The following BTBD8 variants were observed in gnomAD, a reference collection of about 807,000 sequenced individuals.
The protein encoded by BTBD8 is BTB domain containing 8, also known as BTB/POZ domain-containing protein 8.
BTBD8 carries 110 observed loss-of-function variants against 162.9 expected under a neutral mutation model. That is an observed-to-expected ratio of 0.68 (90% CI 0.58 to 0.79). The LOEUF (loss-of-function observed/expected upper bound fraction) is 0.79. Ranked by LOEUF, BTBD8 falls within the 30% of genes least tolerant of loss-of-function variation. The pLI, the probability that BTBD8 is intolerant of heterozygous loss-of-function variation, is 0.00. For missense variants in BTBD8, 1,905 were observed against 2,085.4 expected (o/e 0.91, Z 1.68); for synonymous variants, 667 against 716.1 (o/e 0.93, Z 1.10).
rs1651010966 is a variant in BTBD8, at chr1:92,184,167, G to A, written c.5216G>A (p.Ser1739Asn). The A allele has an allele frequency of 1.3e-6, 2 of 1,551,498 alleles. No homozygotes were observed. The highest frequency in any genetic ancestry group is 1.4e-5 in the African/African-American group (1 of 73,056). ...CAGACACTACTTTTAGCACGAGATA[G>A]CTCAAAACCTCAGGGTATAACACAT... ...INQTLLLARD[S>N]SKPQGITHID... The change falls in exon 18 of 18, where the codon AGC (serine) becomes AAC (asparagine). Residue 1739 changes from serine (S) to asparagine (N), a missense_variant. This residue lies in a region of BTBD8 where 517 missense variants were observed against 606.6 expected (regional missense o/e 0.85). Coordinates refer to ENST00000636805, the MANE Select transcript of BTBD8 (RefSeq NM_001376131.1).
chr1:92,082,696 G>A (rs1648051686), intron 1 of BTBD8, among the ~76,000 whole-genome samples: 1 of 152,196 alleles, frequency 6.6e-6, no homozygotes, highest in African/African-American at 2.4e-5. Flanking sequence ...TACCTGACGT[G>A]ACAAGATATG....
intron 2 of BTBD8, among the ~76,000 whole-genome samples, chr1:92,095,793 A>G (rs1011932683): frequency 2.0e-5 from 3 of 152,070 alleles, no homozygotes; most frequent in Non-Finnish European, 2.9e-5. Context: ...CTCTACCTCA[A>G]CTACTCACTG....
intron 2 of BTBD8, among the ~76,000 whole-genome samples, chr1:92,093,606 A>G (rs1217146529): frequency 6.6e-6 from 1 of 152,174 alleles, no homozygotes; most frequent in African/African-American, 2.4e-5. Context: ...ACTTAGACTA[A>G]TCACTTACCA....
At chr1:92,167,626 G>A (rs1302884632) in intron 10 of BTBD8, among the ~76,000 whole-genome samples, 1 of 152,162 alleles carries the variant, frequency 6.6e-6, no homozygotes, top group South Asian at 2.1e-4. Context: ...AAACCTGCAC[G>A]TTGTGCATAT....
intron 2 of BTBD8, among the ~76,000 whole-genome samples, chr1:92,096,553 T>TC (rs1223907557): frequency 7.1e-6 from 1 of 140,296 alleles, no homozygotes; most frequent in East Asian, 2.0e-4. Flanking sequence ...TATATTTCCT[T>TC]TTTTTTTTTT....
Position 92,080,503 on chromosome 1 carries a change from C to G in BTBD8, c.-69C>G. 6.3e-7 allele frequency: 1 copy of G among 1,581,122 alleles called. No individual in the cohort carries two copies. ...CCGAGCGTTCGGTCGGAAACGCCCC[C>G]TTCTTCCTCCTGGGCGGGGCAAGTG... On this transcript the variant is annotated 5_prime_UTR_variant, in exon 1 of 18. Coordinates refer to ENST00000636805, the MANE Select transcript of BTBD8 (RefSeq NM_001376131.1).
rs796699216 is a variant in BTBD8 at position 92,110,993 on chromosome 1, CT to C, written c.662+3005del. Among the ~76,000 whole-genome samples, 393 of 142,982 alleles carry C rather than the reference CT, an allele frequency of 2.7e-3. 3 individuals carry two copies. Among genetic ancestry groups the C allele is most frequent in the African/African-American group, 6.7e-3 (262 of 39,228 alleles). The allele number at this position is 142,982 out of a possible 152,430, so 93.8% of individuals were successfully genotyped here. ...CGTTGAAAAAGCAGAGCAGTCATTC[CT>C]TTTTTTTTTTTTCCTAAGACAAAGT... On this transcript the variant is annotated intron_variant, in intron 4 of 17. Coordinates refer to ENST00000636805, the MANE Select transcript of BTBD8 (RefSeq NM_001376131.1).
intron 13 of BTBD8, among the ~76,000 whole-genome samples, chr1:92,172,646 AGTTTGGAATGCAATGAACGT>A (rs1650583419): frequency 6.6e-6 from 1 of 152,232 alleles, no homozygotes; most frequent in African/African-American, 2.4e-5. Context: ...TGAGAGTTCC[AGTTTGGAATGCAATGAACGT>A]ATTGCCCTAG....
chr1:92,089,964 C>T (rs1304146946), intron 2 of BTBD8, among the ~76,000 whole-genome samples: 1 of 152,198 alleles, frequency 6.6e-6, no homozygotes, highest in Non-Finnish European at 1.5e-5. Context: ...AATTAATCTT[C>T]ATTCTGTACT....
intron 13 of BTBD8, among the ~76,000 whole-genome samples, chr1:92,173,320 T>A (rs1248039951): frequency 6.6e-6 from 1 of 152,192 alleles, no homozygotes; most frequent in East Asian, 1.9e-4. Context: ...TCCAAAATTT[T>A]CCCCAATGTT....
chr1:92,129,659 C>G, intron 4 of BTBD8, 28 bp from the exon 5 acceptor site: 1 of 1,517,676 alleles, frequency 6.6e-7, no homozygotes, highest in Non-Finnish European at 9.2e-7. Flanking sequence ...AAATGTTTAC[C>G]TGTGTTTCTC....
chr1:92,178,238 T>A, intron 15 of BTBD8, 74 bp from the exon 16 acceptor site: 2 of 1,155,642 alleles, frequency 1.7e-6, no homozygotes, highest in Non-Finnish European at 1.2e-6. Context: ...AAAAACTGTT[T>A]CAGGTATTGG....
In BTBD8 at chr1:92,177,254, A is replaced by G. The variant is rs1396407582; in HGVS notation, c.2061A>G (p.Gln687=). 2 of 1,552,024 alleles carry G rather than the reference A, an allele frequency of 1.3e-6. No homozygotes were observed. Among genetic ancestry groups the G allele is most frequent in the African/African-American group, 1.4e-5 (1 of 73,048 alleles). Residue 687 remains glutamine (Q), a synonymous_variant, in exon 14 of 18, where the codon CAA becomes CAG. Transcript: ENST00000636805. The part of the protein sequence containing the change: ...NGKGVRNQEG[Q]ISGARPKVLT... Reference sequence around the variant, plus strand: ...AAGGAGTGAGAAATCAGGAAGGGCAAATTTCAGGTGCCAGACCCAAGGTAC... The same window carrying G: ...AAGGAGTGAGAAATCAGGAAGGGCAGATTTCAGGTGCCAGACCCAAGGTAC...
At chr1:92,134,878 A>T (rs1570737936) in intron 5 of BTBD8, among the ~76,000 whole-genome samples, 1 of 127,384 alleles carries the variant, frequency 7.9e-6, no homozygotes. Context: ...TATTTTATTT[A>T]ATTAATTAAT....
rs548428184 is a variant in BTBD8 at position 92,112,106 on chromosome 1, G to A, written c.662+4105G>A. Among the ~76,000 whole-genome samples the A allele has an allele frequency of 3.9e-5, 6 of 152,168 alleles. No homozygotes were observed. The South Asian group carries it at 8.3e-4, about 21-fold the overall frequency. On this transcript the variant is annotated intron_variant, in intron 4 of 17. Transcript: ENST00000636805. ...TTTGGGGGGATTAAATAAGGGAAAGGCACTTAAAAAATTGCTGTTGTGAAC... is the reference window on the plus strand; with the variant it reads ...TTTGGGGGGATTAAATAAGGGAAAGACACTTAAAAAATTGCTGTTGTGAAC...
At chr1:92,080,809 C>G (rs556781550) in intron 1 of BTBD8, 89 bp downstream of exon 1, 98 of 1,520,654 alleles carry the variant, frequency 6.4e-5, no homozygotes, top group East Asian at 3.2e-4. Context: ...TCTGCCTCCC[C>G]CTCCCTCAGC....
intron 14 of BTBD8, 63 bp from the exon 15 acceptor site, chr1:92,177,748 C>A: frequency 9.8e-7 from 1 of 1,023,692 alleles, no homozygotes. Context: ...AACCAGTAAA[C>A]TTACACGTTT....
chr1:92,177,052 C>T lies in BTBD8; in HGVS notation c.1859C>T (p.Thr620Ile), dbSNP rs533914188. 1.3e-6 allele frequency: 2 copies of T among 1,550,708 alleles called. No homozygotes were observed. Among genetic ancestry groups the T allele is most frequent in the African/African-American group, 1.4e-5 (1 of 72,968 alleles). The change falls in exon 14 of 18, where the codon ACA (threonine) becomes ATA (isoleucine). Residue 620 changes from threonine (T) to isoleucine (I), a missense_variant. Thr to Ile is a moderately conservative substitution (Grantham distance 89). Around this residue, in one of 3 missense-constraint regions of BTBD8, gnomAD observed 1,374 missense variants for 1,442.7 expected, o/e 0.95. Coordinates refer to ENST00000636805, the MANE Select transcript of BTBD8 (RefSeq NM_001376131.1). ...GGTACAAAAATAGCATCTAAGATTA[C>T]AAAAGAACTAAAAACTGGGGGAAAA... The part of the protein sequence containing the change: ...KDGTKIASKI[T>I]KELKTGGKNV...
At chr1:92,180,226 G>A in intron 16 of BTBD8, 39 bp from the exon 17 acceptor site, 1 of 1,374,804 alleles carries the variant, frequency 7.3e-7, no homozygotes, top group Non-Finnish European at 9.7e-7. Context: ...AATTGGAGGT[G>A]ATATTACATT....
Sources: gnomAD v4.1 joint callset for allele counts (sites outside exome capture counted in the v4.1 genomes callset) on GRCh38, gnomAD v4.1.1 for gene constraint, gnomAD v4.1.1 regional missense constraint, MANE v1.5 for transcripts, NCBI Gene and HGNC (gene_info 2026-07-23, HGNC 2026-07-21) for gene names.